Variants in BRSK2 observed in about 807,000 individuals in gnomAD.
The protein encoded by BRSK2 is BR serine/threonine kinase 2.
In BRSK2, 19 loss-of-function variants were observed where a neutral mutation model predicts 83.3. The observed-to-expected ratio is 0.23, with a 90% CI of 0.16 to 0.33. BRSK2 has a LOEUF of 0.33. Ranked by LOEUF, BRSK2 falls within the 10% of genes least tolerant of loss-of-function variation. BRSK2 has a pLI of 1.00. For missense variants in BRSK2, 798 were observed against 1,042.3 expected (o/e 0.77, Z 3.23); for synonymous variants, 519 against 435.4 (o/e 1.19, Z -2.39).
chr11:1,439,342 C>T (rs886973059), intron 3 of BRSK2, among the ~76,000 whole-genome samples: 4 of 152,060 alleles, frequency 2.6e-5, no homozygotes, highest in African/African-American at 9.7e-5. Flanking sequence ...AGAGGAAACC[C>T]AGGGTTGGGG....
At chr11:1,418,663 G>T (rs1334080572) in intron 1 of BRSK2, among the ~76,000 whole-genome samples, 3 of 152,260 alleles carry the variant, frequency 2.0e-5, no homozygotes, top group Non-Finnish European at 4.4e-5. Flanking sequence ...CTTTGGAGGG[G>T]GTCCCATTTC....
intron 1 of BRSK2, among the ~76,000 whole-genome samples, chr11:1,411,881 T>C (rs1847548530): frequency 6.6e-6 from 1 of 152,160 alleles, no homozygotes; most frequent in Non-Finnish European, 1.5e-5. Context: ...CATCTTGCCC[T>C]CCCAAAAAGA....
At position 1,460,920 on chromosome 11, in the gene BRSK2, C is replaced by G; in HGVS notation, c.*197C>G. ...CGCCCGCTCTCTTTTCTCTCTGTCT[C>G]TGCCTCTGCCTGTCTCTGACAGCAT... On this transcript the variant is annotated 3_prime_UTR_variant, in exon 20 of 20. Coordinates refer to ENST00000528841, the MANE Select transcript of BRSK2 (RefSeq NM_001256627.2). 5.0e-6 allele frequency: 8 copies of G among 1,610,820 alleles called. No individual in the cohort carries two copies. The highest frequency in any genetic ancestry group is 6.8e-6 in the Non-Finnish European group (8 of 1,178,730).
At chr11:1,450,974 G>A (rs61869029) in intron 14 of BRSK2, among the ~76,000 whole-genome samples, 180 bp downstream of exon 14, 22,764 of 152,204 alleles carry the variant, frequency 0.15, 2,337 homozygotes, top group Non-Finnish European at 0.22. Context: ...CCTACCTGTC[G>A]CACAGGCTGG....
At chr11:1,411,732 C>T in intron 1 of BRSK2, 1 of 1,486,948 alleles carries the variant, frequency 6.7e-7, no homozygotes, top group South Asian at 1.2e-5. Flanking sequence ...GGGACCTCGC[C>T]AGCACTGGTG....
chr11:1,437,852 C>T (rs534214862), intron 2 of BRSK2, among the ~76,000 whole-genome samples: 204 of 152,248 alleles, frequency 1.3e-3, no homozygotes, highest in Non-Finnish European at 2.2e-3. Context: ...ACAGAGAGGC[C>T]CAGGCTGCCT....
chr11:1,406,208 C>T (rs1465364137), intron 1 of BRSK2, among the ~76,000 whole-genome samples: 4 of 152,202 alleles, frequency 2.6e-5, no homozygotes, highest in East Asian at 3.9e-4. Context: ...CAGTGGCTCA[C>T]GCCTGTAATC....
chr11:1,406,985 G>T (rs1195244727), intron 1 of BRSK2, among the ~76,000 whole-genome samples: 2 of 152,214 alleles, frequency 1.3e-5, no homozygotes, highest in Non-Finnish European at 2.9e-5. Flanking sequence ...GTGTGCGCAT[G>T]TGTGTGGTCT....
chr11:1,423,721 G>A lies in BRSK2; in HGVS notation c.92-12319G>A, dbSNP rs1490974435. On this transcript the variant is annotated intron_variant, in intron 1 of 19. Transcript: ENST00000528841. This position sits in a 1 kb window ranked among gnomAD's most constrained non-coding sequence, Gnocchi z 6.5. Reference sequence around the variant, plus strand: ...CCAGGCCTCCCCCGCTGGGCGTTCCGGGTGCCCCAGGCCTCCCCCGCTGGG... The same window carrying A: ...CCAGGCCTCCCCCGCTGGGCGTTCCAGGTGCCCCAGGCCTCCCCCGCTGGG... Among the ~76,000 whole-genome samples the A allele has an allele frequency of 2.9e-5, 4 of 140,122 alleles. No homozygotes were observed. Among genetic ancestry groups the A allele is most frequent in the Admixed American group, 1.4e-4 (2 of 14,202 alleles). The allele number at this position is 140,122 out of a possible 152,430, so 91.9% of individuals were successfully genotyped here. A position where few individuals can be genotyped will look rare whatever the true frequency, so the allele number is the denominator to read the frequency against.
rs1848858270 is a variant in BRSK2, at chr11:1,423,667, A to AG, written c.92-12372dup. Reference sequence around the variant, plus strand: ...AAGGCCTCAAGGAAGCCCTGCCCCAAGCCTCCCCCGCTGGGCGTTCCGGGT... The same window carrying AG: ...AAGGCCTCAAGGAAGCCCTGCCCCAAGGCCTCCCCCGCTGGGCGTTCCGGGT... On this transcript the variant is annotated intron_variant, in intron 1 of 19. Coordinates refer to ENST00000528841, the MANE Select transcript of BRSK2 (RefSeq NM_001256627.2). The surrounding 1 kb of genome is among the most constrained non-coding windows in gnomAD (Gnocchi z 6.5). Among the ~76,000 whole-genome samples, 1 of 129,336 alleles carries AG rather than the reference A, an allele frequency of 7.7e-6. No homozygotes were observed. The highest frequency in any genetic ancestry group is 3.7e-5 in the African/African-American group (1 of 27,096). The allele number at this position is 129,336 out of a possible 152,430, so 84.8% of individuals were successfully genotyped here.
At chr11:1,414,672 G>A (rs372602439) in intron 1 of BRSK2, among the ~76,000 whole-genome samples, 38 of 152,180 alleles carry the variant, frequency 2.5e-4, no homozygotes, top group Non-Finnish European at 3.4e-4. Flanking sequence ...GCGCATTCAC[G>A]GTGCTACGCG....
chr11:1,396,366 C>A (rs566251990), intron 1 of BRSK2, among the ~76,000 whole-genome samples: 4 of 152,186 alleles, frequency 2.6e-5, no homozygotes, highest in Non-Finnish European at 4.4e-5. Context: ...CAGAGTTGCT[C>A]GGACCGGCTC....
At chr11:1,445,220 G>T in intron 9 of BRSK2, 74 bp from the exon 10 acceptor site, 1 of 1,531,562 alleles carries the variant, frequency 6.5e-7, no homozygotes, top group Non-Finnish European at 8.8e-7. Context: ...CCAGGTGAGG[G>T]CGGGCGTCCC....
At position 1,412,459 on chromosome 11, in the gene BRSK2, C is replaced by T. The variant is rs1470190395; in HGVS notation, c.91+22084C>T. On this transcript the variant is annotated intron_variant, in intron 1 of 19. Coordinates refer to ENST00000528841, the MANE Select transcript of BRSK2 (RefSeq NM_001256627.2). Reference sequence around the variant, plus strand: ...GGGTGGAGTCTCAGCTGCGCCGCCCCGTCCTGTGGTGGGTGGAGTCTCAGC... The same window carrying T: ...GGGTGGAGTCTCAGCTGCGCCGCCCTGTCCTGTGGTGGGTGGAGTCTCAGC... Among the ~76,000 whole-genome samples, 3 of 101,672 alleles carry T rather than the reference C, an allele frequency of 3.0e-5. 1 individual carries two copies. In the East Asian group the frequency reaches 6.1e-4, roughly 21 times the overall value. 66.7% of individuals were successfully genotyped at this position (101,672 alleles called of 152,430 possible). A position where few individuals can be genotyped will look rare whatever the true frequency, so the allele number is the denominator to read the frequency against.
chr11:1,418,908 G>A (rs530819129), intron 1 of BRSK2, among the ~76,000 whole-genome samples: 2 of 152,364 alleles, frequency 1.3e-5, no homozygotes, highest in African/African-American at 4.8e-5. Flanking sequence ...GAACCCCTGG[G>A]TGGGGAAGTT....
In BRSK2 at chr11:1,462,399, T is replaced by C. The variant is rs1847601890; in HGVS notation, c.*1676T>C. The C allele has an allele frequency of 6.6e-6, 1 of 152,234 alleles. No individual in the cohort carries two copies. The highest frequency in any genetic ancestry group is 6.5e-5 in the Admixed American group (1 of 15,288). The allele number at this position is 152,234 out of a possible 1,614,324, so 9.4% of individuals were successfully genotyped here. On this transcript the variant is annotated 3_prime_UTR_variant, in exon 20 of 20. Transcript: ENST00000528841. ...GCCTCCCACCCACCTCGTGTATAGA[T>C]TTTAACGCTTCTGTTAACATTAGAC...
At chr11:1,411,322 C>G in intron 1 of BRSK2, 1 of 1,356,344 alleles carries the variant, frequency 7.4e-7, no homozygotes, top group Non-Finnish European at 9.4e-7. Flanking sequence ...GGTCCTGAAG[C>G]TGGGGCCGGA....
chr11:1,408,925 TG>T (rs2134095955), intron 1 of BRSK2, among the ~76,000 whole-genome samples: 1 of 149,096 alleles, frequency 6.7e-6, no homozygotes, highest in East Asian at 2.0e-4. Flanking sequence ...TGTGCAAGGG[TG>T]TGTGTGTGTA....
intron 1 of BRSK2, among the ~76,000 whole-genome samples, chr11:1,427,484 A>G (rs929872237): frequency 6.6e-6 from 1 of 152,112 alleles, no homozygotes; most frequent in Non-Finnish European, 1.5e-5. Context: ...TCCTCGTGGC[A>G]TACCCGTGGC....
Sources: allele counts gnomAD v4.1 joint callset (sites outside exome capture counted in the v4.1 genomes callset), GRCh38; gene constraint gnomAD v4.1.1; non-coding constraint Gnocchi (gnomAD v3.1); transcripts MANE v1.5; gene names NCBI Gene and HGNC (gene_info 2026-07-23, HGNC 2026-07-21).